The following KCNK9 variants were observed in gnomAD, a reference collection of about 807,000 sequenced individuals.
KCNK9 encodes the protein potassium channel subfamily K member 9.
Under a neutral mutation model 10.8 loss-of-function variants are expected in KCNK9, and 1 was observed. That is an observed-to-expected ratio of 0.09 (90% CI 0.03 to 0.44). The LOEUF (loss-of-function observed/expected upper bound fraction) is 0.44, where lower values mean the gene tolerates loss of function less well. Ranked by LOEUF, KCNK9 falls within the 20% of genes least tolerant of loss-of-function variation. KCNK9 has a pLI of 0.97. For missense variants in KCNK9, 303 were observed against 515.0 expected (o/e 0.59, Z 3.98); for synonymous variants, 231 against 222.7 (o/e 1.04, Z -0.33).
intron 1 of KCNK9, among the ~76,000 whole-genome samples, chr8:139,682,825 T>C (rs1699350989): frequency 6.6e-6 from 1 of 152,138 alleles, no homozygotes; most frequent in South Asian, 2.1e-4. Context: ...TAATGCCTGG[T>C]GACCCCCCCA....
At chr8:139,698,320 G>A (rs1346680525) in intron 1 of KCNK9, among the ~76,000 whole-genome samples, 1 of 152,174 alleles carries the variant, frequency 6.6e-6, no homozygotes, top group East Asian at 1.9e-4. Context: ...CTTCCAAGAG[G>A]CCCACTCTGG....
At chr8:139,641,125 C>T (rs191824387) in intron 1 of KCNK9, among the ~76,000 whole-genome samples, 2,075 of 152,338 alleles carry the variant, frequency 0.014, 52 homozygotes, top group African/African-American at 0.048. Flanking sequence ...ATCCCTGAGG[C>T]TCTGACCAGG....
intron 1 of KCNK9, among the ~76,000 whole-genome samples, chr8:139,659,515 TTTG>T (rs1002772359): frequency 2.6e-5 from 4 of 152,148 alleles, no homozygotes; most frequent in East Asian, 1.9e-4. Flanking sequence ...GGATTTTATT[TTTG>T]TTGTTGTTGT....
At position 139,632,152 on chromosome 8, in the gene KCNK9, C is replaced by T. The variant is rs562768052; in HGVS notation, c.284-13053G>A. On this transcript the variant is annotated intron_variant, in intron 1 of 1. Coordinates refer to ENST00000520439, the MANE Select transcript of KCNK9 (RefSeq NM_001282534.2). ...GGATCACCTGGGATTTGCCGCAACGCCCATTCTGCATGGGAGGTAGGGGGC... is the reference window on the plus strand; with the variant it reads ...GGATCACCTGGGATTTGCCGCAACGTCCATTCTGCATGGGAGGTAGGGGGC... Among the ~76,000 whole-genome samples the T allele has an allele frequency of 2.0e-5, 3 of 152,312 alleles. No individual in the cohort carries two copies. The South Asian group carries it at 6.2e-4, about 32-fold the overall frequency.
intron 2 of KCNK9, among the ~76,000 whole-genome samples, chr8:139,603,210 T>G (rs113214536): frequency 7.9e-5 from 12 of 152,204 alleles, no homozygotes; most frequent in Non-Finnish European, 1.3e-4. Flanking sequence ...GAAGACTCCC[T>G]GGAATATGCT....
chr8:139,657,599 T>A (rs1445909598), intron 1 of KCNK9, among the ~76,000 whole-genome samples: 1 of 152,136 alleles, frequency 6.6e-6, no homozygotes, highest in Non-Finnish European at 1.5e-5. Context: ...CAATAGCGCC[T>A]GGGAAACTGA....
intron 1 of KCNK9, among the ~76,000 whole-genome samples, chr8:139,696,373 T>C (rs1230233296): frequency 6.6e-6 from 1 of 152,222 alleles, no homozygotes; most frequent in Non-Finnish European, 1.5e-5. Context: ...AAGAACGTTA[T>C]ACTTAAATAA....
intron 1 of KCNK9, among the ~76,000 whole-genome samples, chr8:139,699,769 A>G (rs1328355922): frequency 1.3e-5 from 2 of 152,226 alleles, no homozygotes; most frequent in African/African-American, 4.8e-5. Context: ...CACAGATTCA[A>G]CGCAAAGTGG....
intron 1 of KCNK9, among the ~76,000 whole-genome samples, chr8:139,671,114 G>A (rs928635310): frequency 7.2e-5 from 11 of 152,228 alleles, no homozygotes; most frequent in East Asian, 3.8e-4. Flanking sequence ...AGAAGGAAGC[G>A]TAACCACAAT....
intron 1 of KCNK9, among the ~76,000 whole-genome samples, chr8:139,673,976 A>G (rs1816493633): frequency 6.6e-6 from 1 of 151,970 alleles, no homozygotes; most frequent in African/African-American, 2.4e-5. Flanking sequence ...GCCTTGTGCT[A>G]TTCCCCTCTG....
chr8:139,636,052 C>T (rs545901262), intron 1 of KCNK9, among the ~76,000 whole-genome samples: 1 of 152,310 alleles, frequency 6.6e-6, no homozygotes, highest in South Asian at 2.1e-4. Flanking sequence ...CTGTTTCTGG[C>T]CCCTGGAATT....
At chr8:139,619,182 A>G (rs1157584791) in intron 1 of KCNK9, 83 bp from the exon 2 acceptor site, 26 of 1,493,786 alleles carry the variant, frequency 1.7e-5, no homozygotes, top group Admixed American at 3.6e-5. Flanking sequence ...GACTTGGTGC[A>G]GTGCAGTGCA....
intron 1 of KCNK9, among the ~76,000 whole-genome samples, chr8:139,637,593 TG>T (rs2129639960): frequency 6.6e-6 from 1 of 152,168 alleles, no homozygotes; most frequent in South Asian, 2.1e-4. Context: ...CAGAGAATAG[TG>T]GTTAATAAAG....
At chr8:139,701,394 G>C (rs1263508183) in intron 1 of KCNK9, among the ~76,000 whole-genome samples, 1 of 152,202 alleles carries the variant, frequency 6.6e-6, no homozygotes, top group African/African-American at 2.4e-5. Flanking sequence ...AAGACAGGCC[G>C]TCCTGTGCTG....
intron 1 of KCNK9, among the ~76,000 whole-genome samples, chr8:139,670,174 C>T (rs1027754691): frequency 6.6e-6 from 1 of 152,198 alleles, no homozygotes; most frequent in Non-Finnish European, 1.5e-5. Context: ...TCAGAACACA[C>T]AACATTTATC....
chr8:139,618,528 C>CCTGGGCCGG lies in KCNK9; in HGVS notation c.846_854dup (p.Ser282_Pro284dup), dbSNP rs1245422645. ...GCAGGTCCGGGACGTCCGCCTTGTACCTGGGCCGGCTGGGCCGCGGCTCCT... is the reference window on the plus strand; with the variant it reads ...GCAGGTCCGGGACGTCCGCCTTGTACCTGGGCCGGCTGGGCCGGCTGGGCCGCGGCTCCT... On this transcript the variant is annotated inframe_insertion, in exon 2 of 2. Transcript: ENST00000520439. This position sits in a 1 kb window ranked among gnomAD's most constrained non-coding sequence, Gnocchi z 7.9. 15 of 1,613,526 alleles carry CCTGGGCCGG rather than the reference C, an allele frequency of 9.3e-6. No individual in the cohort carries two copies. The highest frequency in any genetic ancestry group is 1.7e-5 in the Admixed American group (1 of 60,002).
At chr8:139,631,301 C>T (rs950520170) in intron 1 of KCNK9, among the ~76,000 whole-genome samples, 2 of 152,180 alleles carry the variant, frequency 1.3e-5, no homozygotes, top group Non-Finnish European at 2.9e-5. Context: ...GGCGCTGGGC[C>T]GGGGACTGCG....
intron 1 of KCNK9, among the ~76,000 whole-genome samples, chr8:139,643,127 T>C (rs976964314): frequency 1.3e-5 from 2 of 152,310 alleles, no homozygotes; most frequent in East Asian, 1.9e-4. Context: ...GGCTTCCTCA[T>C]GGGCCAAGTG....
intron 1 of KCNK9, among the ~76,000 whole-genome samples, chr8:139,632,707 G>T (rs1432197142): frequency 1.3e-5 from 2 of 152,116 alleles, no homozygotes; most frequent in Non-Finnish European, 2.9e-5. Flanking sequence ...AGAAGCCTCA[G>T]AACCTAAGGT....
Sources: gnomAD v4.1 joint callset for allele counts (sites outside exome capture counted in the v4.1 genomes callset) on GRCh38, gnomAD v4.1.1 for gene constraint, Gnocchi (gnomAD v3.1) non-coding constraint, MANE v1.5 for transcripts, NCBI Gene and HGNC (gene_info 2026-07-23, HGNC 2026-07-21) for gene names.